BANP: variants seen among roughly 807,000 people sequenced by gnomAD.
BANP encodes protein BANP.
A neutral mutation model predicts 68.1 loss-of-function variants in BANP; 11 were observed. The ratio of observed to expected loss-of-function variants is 0.16; its 90% CI spans 0.10 to 0.27. BANP has a LOEUF of 0.27. Ranked by LOEUF, BANP falls within the 10% of genes least tolerant of loss-of-function variation. BANP has a pLI of 1.00. For synonymous variants in BANP, 329 were observed against 303.2 expected, an observed-to-expected ratio of 1.09 and a Z score of -0.88; for missense variants, 504 against 722.7, an observed-to-expected ratio of 0.70 and a Z score of 3.47.
intron 7 of BANP, among the ~76,000 whole-genome samples, chr16:88,024,447 C>T (rs1033431518): frequency 1.3e-5 from 2 of 152,222 alleles, no homozygotes; most frequent in Non-Finnish European, 2.9e-5. Context: ...TGGAAAATGG[C>T]AGTTAAATTC....
intron 6 of BANP, among the ~76,000 whole-genome samples, chr16:88,011,733 C>G (rs2073177997): frequency 6.6e-6 from 1 of 152,114 alleles, no homozygotes; most frequent in African/African-American, 2.4e-5. Context: ...AGCGAGGTCA[C>G]CCTATCAGGA....
At chr16:88,041,749 G>C (rs1325041531) in intron 11 of BANP, among the ~76,000 whole-genome samples, 1 of 152,246 alleles carries the variant, frequency 6.6e-6, no homozygotes, top group African/African-American at 2.4e-5. Flanking sequence ...TTGCAGGCAG[G>C]ATGGGACTCA....
intron 1 of BANP, among the ~76,000 whole-genome samples, chr16:87,964,892 G>GGGGT: frequency 1.3e-5 from 2 of 152,316 alleles, no homozygotes; most frequent in East Asian, 3.9e-4. Flanking sequence ...AGGTTGGTTT[G>GGGGT]GGGTGGGTGA....
chr16:88,031,951 C>T (rs1427188649), intron 8 of BANP, among the ~76,000 whole-genome samples: 7 of 151,854 alleles, frequency 4.6e-5, no homozygotes, highest in Admixed American at 3.3e-4. Flanking sequence ...ACTACAGACG[C>T]GTGCCACCAC....
At chr16:88,042,375 C>T (rs367927415) in intron 11 of BANP, among the ~76,000 whole-genome samples, 33 of 152,362 alleles carry the variant, frequency 2.2e-4, no homozygotes, top group African/African-American at 6.7e-4. Context: ...TGCCCTCCAG[C>T]GCTGTGTCTC....
In BANP at chr16:88,020,782, T is replaced by G. The variant is rs567328134; in HGVS notation, c.895+2115T>G. On this transcript the variant is annotated intron_variant, in intron 7 of 13. Transcript: ENST00000682872. ...AGCTGGAGGCCGGCTGGCTCTGCCT[T>G]GGAGACGGTGCCTTGGATTGTCAGG... 1.8e-4 allele frequency among the ~76,000 whole-genome samples: 28 copies of G among 152,254 alleles called. No individual in the cohort carries two copies. In the Middle Eastern group the frequency reaches 0.014, roughly 74 times the overall value.
chr16:87,992,207 A>G (rs957230773), intron 4 of BANP, among the ~76,000 whole-genome samples: 9 of 152,152 alleles, frequency 5.9e-5, no homozygotes, highest in African/African-American at 2.2e-4. Context: ...CTTATCATAA[A>G]CCTGACTTCA....
chr16:88,045,633 G>C (rs891900399), intron 11 of BANP, among the ~76,000 whole-genome samples: 1 of 152,156 alleles, frequency 6.6e-6, no homozygotes, highest in Non-Finnish European at 1.5e-5. Context: ...AGCCAGAGGT[G>C]GGGGAGCCTG....
At chr16:87,997,683 G>A (rs1336524935) in intron 4 of BANP, among the ~76,000 whole-genome samples, 1 of 151,280 alleles carries the variant, frequency 6.6e-6, no homozygotes, top group African/African-American at 2.4e-5. Context: ...CCATGTGTTC[G>A]TGGTAAAGTG....
intron 4 of BANP, among the ~76,000 whole-genome samples, chr16:87,997,599 G>A (rs1028741693): frequency 8.6e-5 from 13 of 151,966 alleles, no homozygotes; most frequent in Non-Finnish European, 1.0e-4. Context: ...GGGTAAAATA[G>A]CCAGGATGGC....
chr16:88,048,014 T>C (rs1318477829), intron 11 of BANP, among the ~76,000 whole-genome samples: 2 of 152,210 alleles, frequency 1.3e-5, no homozygotes, highest in African/African-American at 4.8e-5. Flanking sequence ...AGCTGATGGG[T>C]GATGGGACGT....
At chr16:88,028,692 C>G (rs2077487842) in intron 8 of BANP, among the ~76,000 whole-genome samples, 1 of 152,210 alleles carries the variant, frequency 6.6e-6, no homozygotes. Flanking sequence ...AGGGCATTCA[C>G]TGAAATACCA....
At chr16:88,049,336 A>T (rs2082722547) in intron 11 of BANP, among the ~76,000 whole-genome samples, 1 of 152,144 alleles carries the variant, frequency 6.6e-6, no homozygotes, top group African/African-American at 2.4e-5. Flanking sequence ...TACATAGGCT[A>T]CGGGTGTGGA....
chr16:87,962,037 C>G (rs1235797714), intron 1 of BANP, among the ~76,000 whole-genome samples: 2 of 151,956 alleles, frequency 1.3e-5, no homozygotes, highest in South Asian at 2.1e-4. Context: ...ATCTGGAGTT[C>G]AAGACCAGCC....
At chr16:88,021,069 T>G (rs1449321779) in intron 7 of BANP, among the ~76,000 whole-genome samples, 1 of 152,152 alleles carries the variant, frequency 6.6e-6, no homozygotes, top group African/African-American at 2.4e-5. Flanking sequence ...GCTTGGGAAG[T>G]GCTGCCAACC....
At chr16:88,067,928 G>A (rs888676055) in intron 12 of BANP, among the ~76,000 whole-genome samples, 1 of 152,242 alleles carries the variant, frequency 6.6e-6, no homozygotes, top group South Asian at 2.1e-4. Context: ...CCTCCCCGTA[G>A]CATCCACTGT....
intron 2 of BANP, among the ~76,000 whole-genome samples, chr16:87,978,074 G>A (rs1227286910): frequency 2.0e-5 from 3 of 152,200 alleles, no homozygotes; most frequent in Admixed American, 6.5e-5. Flanking sequence ...GACCTCAGGT[G>A]ATCCACTCAC....
chr16:87,992,902 C>T (rs1041694595), intron 4 of BANP, among the ~76,000 whole-genome samples: 1 of 152,180 alleles, frequency 6.6e-6, no homozygotes, highest in Non-Finnish European at 1.5e-5. Flanking sequence ...CACACTGTTC[C>T]TCATGGTACC....
intron 4 of BANP, among the ~76,000 whole-genome samples, chr16:87,995,828 G>A (rs1053263103): frequency 4.6e-5 from 7 of 152,256 alleles, no homozygotes; most frequent in African/African-American, 1.4e-4. Flanking sequence ...TCGGCGGGGC[G>A]CCAAGGGGAA....
Sources: allele counts gnomAD v4.1 joint callset (sites outside exome capture counted in the v4.1 genomes callset), GRCh38; gene constraint gnomAD v4.1.1; transcripts MANE v1.5; gene names NCBI Gene and HGNC (gene_info 2026-07-23, HGNC 2026-07-21).